The following ME3 variants were observed in gnomAD, a reference collection of about 807,000 sequenced individuals.
ME3 encodes malic enzyme 3.
In ME3, 48 loss-of-function variants were observed where a neutral mutation model predicts 68.9. That is an observed-to-expected ratio of 0.70 (90% CI 0.55 to 0.89). ME3 has a LOEUF of 0.89. ME3 is among the 40% of genes least tolerant of loss of function. ME3 has a pLI of 0.00. For synonymous variants in ME3, 320 were observed against 318.8 expected (o/e 1.00, Z -0.04); for missense variants, 675 against 797.4 (o/e 0.85, Z 1.85).
chr11:86,498,166 C>T (rs1952487606), intron 5 of ME3, 42 bp from the exon 6 acceptor site: 5 of 1,573,986 alleles, frequency 3.2e-6, no homozygotes, highest in Non-Finnish European at 4.3e-6. Context: ...ACAGCACTTC[C>T]TGTGACAGGG....
exon 6 of ME3, chr11:86,497,967 T>C: frequency 6.2e-7 from 1 of 1,600,226 alleles, no homozygotes; most frequent in East Asian, 2.3e-5. Context: ...GGTTACCTCA[T>C]TGTTGGTGCC....
chr11:86,627,478 A>G (rs1383878766), intron 2 of ME3, among the ~76,000 whole-genome samples: 1 of 152,194 alleles, frequency 6.6e-6, no homozygotes, highest in Non-Finnish European at 1.5e-5. Context: ...CTTTCTACCC[A>G]TATGCATACA....
intron 7 of ME3, among the ~76,000 whole-genome samples, chr11:86,486,850 C>G (rs576239542): frequency 6.6e-6 from 1 of 152,310 alleles, no homozygotes; most frequent in South Asian, 2.1e-4. Context: ...GAGATGACAC[C>G]TCATAAATCT....
rs1312128109 is a variant in ME3 at position 86,599,315 on chromosome 11, T to C, written c.184-39492A>G. Among the ~76,000 whole-genome samples the C allele has an allele frequency of 2.0e-5, 3 of 152,162 alleles. No individual in the cohort carries two copies. The East Asian group carries it at 5.8e-4, about 29-fold the overall frequency. On this transcript the variant is annotated intron_variant, in intron 2 of 14. Transcript: ENST00000543262. The stretch of plus-strand genomic sequence containing the variant: ...ACTACGTGAAGAAGGCAGAAGCCTC[T>C]GGAGCCGATGCAATCAACTGGAAGA...
At chr11:86,478,180 AC>A (rs1951190308) in intron 7 of ME3, among the ~76,000 whole-genome samples, 1 of 152,058 alleles carries the variant, frequency 6.6e-6, no homozygotes, top group Non-Finnish European at 1.5e-5. Context: ...CCTAGGAACT[AC>A]CATTGGTAGA....
chr11:86,575,661 C>T (rs1958059194), intron 2 of ME3, among the ~76,000 whole-genome samples: 1 of 117,926 alleles, frequency 8.5e-6, no homozygotes, highest in South Asian at 2.4e-4. Flanking sequence ...GGTGCAGTGA[C>T]TCACACTCCC....
intron 6 of ME3, among the ~76,000 whole-genome samples, chr11:86,497,348 A>T (rs541459491): frequency 1.3e-5 from 2 of 152,236 alleles, no homozygotes; most frequent in South Asian, 2.1e-4. Flanking sequence ...ATATTTTTTC[A>T]TGTTTTCTGA....
At chr11:86,445,792 A>C (rs1264586914) in intron 13 of ME3, among the ~76,000 whole-genome samples, 1 of 152,178 alleles carries the variant, frequency 6.6e-6, no homozygotes, top group Non-Finnish European at 1.5e-5. Context: ...GAATAGGTAC[A>C]TCTCCAATAC....
intron 2 of ME3, among the ~76,000 whole-genome samples, chr11:86,637,918 A>G (rs10501625): frequency 0.094 from 14,349 of 151,918 alleles, 702 homozygotes; most frequent in South Asian, 0.13. Flanking sequence ...TAATGTATCT[A>G]TGAATTTGTG....
chr11:86,563,623 A>G (rs1957342472), intron 2 of ME3, among the ~76,000 whole-genome samples: 2 of 152,092 alleles, frequency 1.3e-5, no homozygotes, highest in Non-Finnish European at 2.9e-5. Flanking sequence ...GTTAATTTTT[A>G]TATATGGTAA....
At chr11:86,606,078 C>T (rs918433221) in intron 2 of ME3, among the ~76,000 whole-genome samples, 2 of 152,130 alleles carry the variant, frequency 1.3e-5, no homozygotes, top group Non-Finnish European at 2.9e-5. Context: ...GAAGACTCCA[C>T]CCCTCCTCCC....
intron 8 of ME3, among the ~76,000 whole-genome samples, chr11:86,451,583 G>A (rs1949634869): frequency 6.6e-6 from 1 of 152,198 alleles, no homozygotes; most frequent in Non-Finnish European, 1.5e-5. Context: ...AGAGAACAAT[G>A]CTGAGCTCCT....
chr11:86,629,239 C>T (rs896738507), intron 2 of ME3, among the ~76,000 whole-genome samples: 3 of 152,300 alleles, frequency 2.0e-5, no homozygotes, highest in Non-Finnish European at 4.4e-5. Context: ...TGTATTCCTT[C>T]GTCATAACAT....
chr11:86,639,856 T>G (rs1220136060), intron 2 of ME3, among the ~76,000 whole-genome samples: 1 of 152,194 alleles, frequency 6.6e-6, no homozygotes, highest in Non-Finnish European at 1.5e-5. Flanking sequence ...GGCAGATAAT[T>G]GGGACACAGT....
At chr11:86,639,262 C>T (rs1944525058) in intron 2 of ME3, among the ~76,000 whole-genome samples, 2 of 152,140 alleles carry the variant, frequency 1.3e-5, no homozygotes, top group African/African-American at 4.8e-5. Flanking sequence ...CAGATTTATT[C>T]AATGGAAATG....
intron 4 of ME3, among the ~76,000 whole-genome samples, chr11:86,515,334 C>T (rs1048472262): frequency 6.6e-6 from 1 of 152,150 alleles, no homozygotes; most frequent in Non-Finnish European, 1.5e-5. Flanking sequence ...GCTCTTGCAA[C>T]ACTATCCAGA....
intron 6 of ME3, among the ~76,000 whole-genome samples, chr11:86,490,972 A>G (rs1951969243): frequency 6.6e-6 from 1 of 152,194 alleles, no homozygotes; most frequent in Non-Finnish European, 1.5e-5. Context: ...CCATAATGAG[A>G]TACTGCTGAG....
chr11:86,640,185 G>A (rs551836422), intron 2 of ME3, among the ~76,000 whole-genome samples: 26 of 152,320 alleles, frequency 1.7e-4, no homozygotes, highest in African/African-American at 5.3e-4. Context: ...CAATATTTTG[G>A]TGCTTAAGCC....
chr11:86,660,756 G>A (rs947441368), intron 2 of ME3, among the ~76,000 whole-genome samples: 24 of 152,180 alleles, frequency 1.6e-4, no homozygotes, highest in Middle Eastern at 3.4e-3. Context: ...AGCAGCCCAC[G>A]GATGAGAATT....
Sources: allele counts gnomAD v4.1 joint callset (sites outside exome capture counted in the v4.1 genomes callset), GRCh38; gene constraint gnomAD v4.1.1; transcripts MANE v1.5; gene names NCBI Gene and HGNC (gene_info 2026-07-23, HGNC 2026-07-21).